The following POC1B variants were observed in gnomAD, a reference collection of about 807,000 sequenced individuals.
The protein encoded by POC1B is POC1 centriolar protein B.
In POC1B, 44 loss-of-function variants were observed where a neutral mutation model predicts 60.6. The observed-to-expected ratio is 0.73, with a 90% CI of 0.57 to 0.93. POC1B has a LOEUF of 0.93. Ranked by LOEUF, POC1B falls within the 40% of genes least tolerant of loss-of-function variation. The pLI is 0.00. For synonymous variants in POC1B, 180 were observed against 198.9 expected, an observed-to-expected ratio of 0.90 and a Z score of 0.80; for missense variants, 555 against 572.3, an observed-to-expected ratio of 0.97 and a Z score of 0.31.
intron 7 of POC1B, among the ~76,000 whole-genome samples, chr12:89,469,593 AG>A (rs1882810189): frequency 6.6e-6 from 1 of 152,218 alleles, no homozygotes; most frequent in Non-Finnish European, 1.5e-5. Flanking sequence ...GCAGGAGAGT[AG>A]AAGGTGTTAG....
chr12:89,502,523 G>A, intron 2 of POC1B: 1 of 1,101,412 alleles, frequency 9.1e-7, no homozygotes, highest in Non-Finnish European at 1.4e-6. Context: ...TGATAACGAT[G>A]AAAGAAAGAC....
rs1210438691 is a variant in POC1B at position 89,456,735 on chromosome 12, T to C, written c.1113+2903A>G. Among the ~76,000 whole-genome samples, 3 of 152,108 alleles carry C rather than the reference T, an allele frequency of 2.0e-5. No individual in the cohort carries two copies. In the East Asian group the frequency reaches 5.8e-4, roughly 29 times the overall value. Reference sequence around the variant, plus strand: ...ATTGTATCAAATTTCCTGCTTGGCATTAGAGACACAAGTGCAAGCCACAAA... The same window carrying C: ...ATTGTATCAAATTTCCTGCTTGGCACTAGAGACACAAGTGCAAGCCACAAA... On this transcript the variant is annotated intron_variant, in intron 10 of 11. Coordinates refer to ENST00000313546, the MANE Select transcript of POC1B (RefSeq NM_172240.3).
intron 10 of POC1B, among the ~76,000 whole-genome samples, chr12:89,444,468 C>T (rs1217680968): frequency 4.6e-5 from 7 of 152,074 alleles, no homozygotes; most frequent in Non-Finnish European, 5.9e-5. Flanking sequence ...AATCAATAAA[C>T]GTAATCCAGC....
intron 11 of POC1B, among the ~76,000 whole-genome samples, chr12:89,424,182 C>T (rs1880656083): frequency 1.3e-5 from 2 of 152,142 alleles, no homozygotes; most frequent in Admixed American, 1.3e-4. Context: ...GTGATAACTA[C>T]AGGATAAAAA....
At chr12:89,501,228 C>G in intron 2 of POC1B, 1 of 1,384,480 alleles carries the variant, frequency 7.2e-7, no homozygotes, top group Non-Finnish European at 1.0e-6. Flanking sequence ...CATCTCAGCC[C>G]TCTGATAAAA....
Position 89,471,485 on chromosome 12 carries a change from T to C in POC1B, c.676+129A>G. ...TGCTGTTGATGGGAGCTAATTATAC[T>C]ATTCTCTAGCCTGTTCCAAGGCAGC... On this transcript the variant is annotated intron_variant, in intron 6 of 11. Coordinates refer to ENST00000313546, the MANE Select transcript of POC1B (RefSeq NM_172240.3). 1 of 643,546 alleles carries C rather than the reference T, an allele frequency of 1.6e-6. No homozygotes were observed. The highest frequency in any genetic ancestry group is 2.0e-5 in the South Asian group (1 of 50,236). 39.9% of individuals were successfully genotyped at this position (643,546 alleles called of 1,614,324 possible). A position where few individuals can be genotyped will look rare whatever the true frequency, so the allele number is the denominator to read the frequency against.
intron 4 of POC1B, among the ~76,000 whole-genome samples, chr12:89,488,411 C>T (rs947978604): frequency 6.6e-6 from 1 of 152,106 alleles, no homozygotes; most frequent in African/African-American, 2.4e-5. Context: ...TAGAAAGCAC[C>T]TTCATTTTAG....
At chr12:89,474,642 C>A (rs1441425354) in intron 4 of POC1B, among the ~76,000 whole-genome samples, 1 of 152,184 alleles carries the variant, frequency 6.6e-6, no homozygotes, top group African/African-American at 2.4e-5. Context: ...GTTATCAGGT[C>A]AGTGGGGAGA....
intron 2 of POC1B, among the ~76,000 whole-genome samples, chr12:89,518,421 G>C (rs1870575010): frequency 6.6e-6 from 1 of 152,128 alleles, no homozygotes; most frequent in Non-Finnish European, 1.5e-5. Flanking sequence ...AGCATGCACA[G>C]AGGCATGCAA....
chr12:89,483,564 T>G (rs910257141), intron 4 of POC1B, among the ~76,000 whole-genome samples: 1 of 152,300 alleles, frequency 6.6e-6, no homozygotes, highest in Admixed American at 6.5e-5. Flanking sequence ...GTGTGCTTCA[T>G]GAGCTAATCA....
At position 89,459,673 on chromosome 12, in the gene POC1B, G is replaced by C; in HGVS notation, c.1078C>G (p.Pro360Ala). Residue 360 changes from proline (P) to alanine (A), a missense_variant, in exon 10 of 12, where the codon CCT becomes GCT. By Grantham distance (27) the Pro-to-Ala change is conservative. Transcript: ENST00000313546. ...EVIDLQISTP[P>A]VMDILSFDST... ...TCAAAAGAAAGGATATCCATAACAG[G>C]GGGAGTAGAGATCTGCAAATCGATT... 1.3e-6 allele frequency: 2 copies of C among 1,535,952 alleles called. No homozygotes were observed. Among genetic ancestry groups the C allele is most frequent in the South Asian group, 1.3e-5 (1 of 76,884 alleles).
chr12:89,510,276 T>C (rs1414133961), intron 2 of POC1B, among the ~76,000 whole-genome samples: 1 of 152,220 alleles, frequency 6.6e-6, no homozygotes, highest in Non-Finnish European at 1.5e-5. Flanking sequence ...GGCATGGCCC[T>C]TTCTTTCAGG....
At chr12:89,525,356 C>A in intron 1 of POC1B, 152 bp from the exon 2 acceptor site, 2 of 1,429,166 alleles carry the variant, frequency 1.4e-6, no homozygotes, top group Non-Finnish European at 1.8e-6. Context: ...GCAGCCCACC[C>A]ACGGGCGCGG....
At chr12:89,523,475 G>A in intron 2 of POC1B, 1 of 1,613,300 alleles carries the variant, frequency 6.2e-7, no homozygotes, top group Non-Finnish European at 8.5e-7. Flanking sequence ...TGGCCCACGT[G>A]GGAACACGGG....
chr12:89,455,890 A>G (rs1882232200), intron 10 of POC1B, among the ~76,000 whole-genome samples: 1 of 152,234 alleles, frequency 6.6e-6, no homozygotes, highest in South Asian at 2.1e-4. Context: ...GTTCATTTAT[A>G]AGACAAACAA....
At chr12:89,450,112 T>C (rs1327298603) in intron 10 of POC1B, among the ~76,000 whole-genome samples, 1 of 151,736 alleles carries the variant, frequency 6.6e-6, no homozygotes, top group Admixed American at 6.6e-5. Context: ...TTAAAAAAGG[T>C]AATGCAGCTA....
At chr12:89,510,589 C>G (rs139471201) in intron 2 of POC1B, among the ~76,000 whole-genome samples, 112 of 152,220 alleles carry the variant, frequency 7.4e-4, no homozygotes, top group African/African-American at 2.6e-3. Flanking sequence ...TGTTTTCTTT[C>G]TTGCAAAGAT....
At chr12:89,508,558 G>A (rs12312151) in intron 2 of POC1B, among the ~76,000 whole-genome samples, 79,624 of 151,994 alleles carry the variant, frequency 0.52, 21,236 homozygotes, top group African/African-American at 0.61. Context: ...TGATTGCTTG[G>A]TTTAGGTGAT....
intron 2 of POC1B, chr12:89,524,648 G>A: frequency 2.3e-6 from 3 of 1,299,118 alleles, no homozygotes; most frequent in Admixed American, 2.2e-5. Flanking sequence ...TTCCCAGCAG[G>A]TTCTTCCTTT....
Sources: gnomAD v4.1 joint callset for allele counts (sites outside exome capture counted in the v4.1 genomes callset) on GRCh38, gnomAD v4.1.1 for gene constraint, MANE v1.5 for transcripts, NCBI Gene and HGNC (gene_info 2026-07-23, HGNC 2026-07-21) for gene names.